FAM234A: variants seen among roughly 807,000 people sequenced by gnomAD.
FAM234A encodes the protein family with sequence similarity 234 member A.
A neutral mutation model predicts 49.1 loss-of-function variants in FAM234A; 42 were observed. The ratio of observed to expected loss-of-function variants is 0.86; its 90% CI spans 0.67 to 1.11. FAM234A has a LOEUF of 1.11. FAM234A is among the 50% of genes least tolerant of loss of function. The pLI is 0.00. For synonymous variants in FAM234A, 369 were observed against 316.2 expected (o/e 1.17, Z -1.77); for missense variants, 815 against 745.2 (o/e 1.09, Z -1.09).
intron 3 of FAM234A, among the ~76,000 whole-genome samples, chr16:256,631 C>T (rs549346416): frequency 5.3e-5 from 8 of 152,008 alleles, no homozygotes; most frequent in South Asian, 2.1e-4. Context: ...AGTGCAATGG[C>T]GCAATCTCGG....
chr16:268,843 G>C (rs370212981), downstream of FAM234A: 1 of 1,550,440 alleles, frequency 6.4e-7, no homozygotes, highest in Non-Finnish European at 8.7e-7. Flanking sequence ...CTGCATGTCC[G>C]CGTCTTGTGA....
chr16:267,927 C>A (rs1430102097), downstream of FAM234A, among the ~76,000 whole-genome samples: 2 of 151,194 alleles, frequency 1.3e-5, no homozygotes, highest in African/African-American at 4.9e-5. Flanking sequence ...CACCTGCACA[C>A]GTGCACTACA....
downstream of FAM234A, among the ~76,000 whole-genome samples, chr16:266,338 C>T (rs1047487417): frequency 2.0e-5 from 3 of 152,226 alleles, no homozygotes; most frequent in South Asian, 2.1e-4. Context: ...GCCCACCAAG[C>T]TGGGCACCCT....
At chr16:255,798 G>A (rs2051208439) in intron 3 of FAM234A, among the ~76,000 whole-genome samples, 1 of 152,070 alleles carries the variant, frequency 6.6e-6, no homozygotes, top group Non-Finnish European at 1.5e-5. Flanking sequence ...CGAGTAGCTG[G>A]GATTGCAGGC....
intron 2 of FAM234A, among the ~76,000 whole-genome samples, chr16:251,706 T>A (rs1008472327): frequency 8.2e-5 from 12 of 146,058 alleles, no homozygotes; most frequent in Non-Finnish European, 7.5e-5. Flanking sequence ...TTTTTTTTTT[T>A]AAGAGATGGG....
chr16:244,854 A>ATTTTTTTTTTTTTTTTTTTTTT (rs1203898846), intron 1 of FAM234A, among the ~76,000 whole-genome samples: 3 of 147,276 alleles, frequency 2.0e-5, no homozygotes, highest in Non-Finnish European at 4.6e-5. Context: ...CGCCCGGCTA[A>ATTTTTTTTTTTTTTTTTTTTTT]TTTTTTTTTG....
intron 1 of FAM234A, among the ~76,000 whole-genome samples, chr16:245,879 A>G (rs2050786058): frequency 6.6e-6 from 1 of 151,686 alleles, no homozygotes; most frequent in Non-Finnish European, 1.5e-5. Flanking sequence ...ATTCTCTTCT[A>G]TTTTCTTTTA....
At chr16:250,734 G>A (rs957890899) in intron 2 of FAM234A, among the ~76,000 whole-genome samples, 2 of 151,936 alleles carry the variant, frequency 1.3e-5, no homozygotes, top group Non-Finnish European at 1.5e-5. Flanking sequence ...TCCCTGTTCC[G>A]CACCTGGCCC....
chr16:243,666 A>G (rs1217041302), intron 1 of FAM234A, among the ~76,000 whole-genome samples: 1 of 152,202 alleles, frequency 6.6e-6, no homozygotes, highest in Non-Finnish European at 1.5e-5. Context: ...TCAAGTTTCC[A>G]AAAAGGAAGT....
At chr16:259,456 A>G (rs771182685) in intron 3 of FAM234A, 27 bp from the exon 4 acceptor site, 1 of 1,293,972 alleles carries the variant, frequency 7.7e-7, no homozygotes, top group Non-Finnish European at 1.1e-6. Context: ...TGGCCCGCGG[A>G]GTATAGTCTG....
chr16:254,703 C>T, intron 3 of FAM234A, 22 bp downstream of exon 3: 4 of 1,610,826 alleles, frequency 2.5e-6, no homozygotes, highest in Non-Finnish European at 3.4e-6. Flanking sequence ...CTTCCCCGCC[C>T]AGTGGGGTCC....
chr16:253,217 C>T (rs149515166), intron 2 of FAM234A, among the ~76,000 whole-genome samples: 6 of 152,144 alleles, frequency 3.9e-5, no homozygotes, highest in African/African-American at 9.7e-5. Flanking sequence ...CATCCACCCC[C>T]GGTCCGGCCA....
intron 1 of FAM234A, among the ~76,000 whole-genome samples, chr16:245,030 C>CA (rs2050757878): frequency 1.3e-5 from 2 of 151,988 alleles, no homozygotes; most frequent in Admixed American, 1.3e-4. Flanking sequence ...TATTGTACTG[C>CA]AGACCTGTTA....
chr16:236,016 G>A lies in FAM234A; in HGVS notation c.-140+1159G>A, dbSNP rs893055808. 4.6e-5 allele frequency among the ~76,000 whole-genome samples: 7 copies of A among 152,002 alleles called. No homozygotes were observed. The South Asian group carries it at 1.5e-3, about 32-fold the overall frequency. On this transcript the variant is annotated intron_variant, in intron 1 of 12. Coordinates refer to ENST00000399932, the MANE Select transcript of FAM234A (RefSeq NM_032039.4). ...AAAAATAAAAAAATTAGCTGCGTAT[G>A]GTGGCAGGTGCCGGTAATCCCAGTT...
At chr16:269,098 G>T, downstream of FAM234A, 1 of 915,734 alleles carries the variant, frequency 1.1e-6, no homozygotes, top group Non-Finnish European at 1.8e-6. Context: ...GGGAGGGCTT[G>T]CTGGAGGGAG....
chr16:250,570 G>C (rs193232586), intron 2 of FAM234A, among the ~76,000 whole-genome samples: 74 of 152,304 alleles, frequency 4.9e-4, no homozygotes, highest in Middle Eastern at 6.8e-3. Context: ...GCACCTAGGA[G>C]AATGCACACA....
intron 7 of FAM234A, 76 bp from the exon 8 acceptor site, chr16:262,348 A>C: frequency 6.4e-7 from 1 of 1,558,806 alleles, no homozygotes; most frequent in Non-Finnish European, 8.7e-7. Context: ...GCCTGGCTCC[A>C]TGTGGCACTG....
Position 263,453 on chromosome 16 carries a change from C to A in FAM234A, c.1112+51C>A, listed in dbSNP as rs747552758. ...CAGGTGCTGCACCCCTTCCCGGCAT[C>A]CCGGGCACATCCCGTTGGCTGGCGA... On this transcript the variant is annotated intron_variant, in intron 9 of 12. Coordinates refer to ENST00000399932, the MANE Select transcript of FAM234A (RefSeq NM_032039.4). The A allele has an allele frequency of 3.8e-6, 6 of 1,593,588 alleles. No homozygotes were observed. In the South Asian group the frequency reaches 4.4e-5, roughly 12 times the overall value.
intron 1 of FAM234A, among the ~76,000 whole-genome samples, 161 bp downstream of exon 1, chr16:235,018 G>T (rs2050349033): frequency 6.6e-6 from 1 of 152,188 alleles, no homozygotes; most frequent in Non-Finnish European, 1.5e-5. Context: ...AGTCGGGTGC[G>T]GGCCGGGAGG....
Sources: gnomAD v4.1 joint callset for allele counts (sites outside exome capture counted in the v4.1 genomes callset) on GRCh38, gnomAD v4.1.1 for gene constraint, MANE v1.5 for transcripts, NCBI Gene and HGNC (gene_info 2026-07-23, HGNC 2026-07-21) for gene names.